The following GPC5 variants were observed in gnomAD, a reference collection of about 807,000 sequenced individuals.
GPC5 encodes the protein glypican-5.
A neutral mutation model predicts 53.9 loss-of-function variants in GPC5; 47 were observed. The ratio of observed to expected loss-of-function variants is 0.87; its 90% CI spans 0.69 to 1.11. The LOEUF is 1.11. Among genes scored for constraint, GPC5 ranks in the 50% most tolerant of loss-of-function variants. GPC5 has a pLI of 0.00. For missense variants in GPC5, 748 were observed against 713.1 expected (o/e 1.05, Z -0.56); for synonymous variants, 286 against 263.3 (o/e 1.09, Z -0.84).
intron 7 of GPC5, among the ~76,000 whole-genome samples, chr13:92,381,958 G>A (rs1255793669): frequency 1.1e-5 from 1 of 89,492 alleles, no homozygotes; most frequent in Non-Finnish European, 2.3e-5. Flanking sequence ...ATCTATGTAT[G>A]TATGTATCTA....
intron 7 of GPC5, among the ~76,000 whole-genome samples, chr13:92,849,410 T>G (rs1878717050): frequency 6.6e-6 from 1 of 152,256 alleles, no homozygotes. Flanking sequence ...GATAATTTAT[T>G]TCCATTTAAT....
Position 92,144,867 on chromosome 13 carries a change from A to G in GPC5, c.1439A>G (p.Glu480Gly). 6.8e-6 allele frequency: 11 copies of G among 1,612,272 alleles called. No homozygotes were observed. The highest frequency in any genetic ancestry group is 9.3e-6 in the Non-Finnish European group (11 of 1,179,202). Residue 480 changes from glutamate to glycine, a missense_variant, in exon 7 of 8, where the codon GAA (glutamate) becomes GGA (glycine). Physicochemically the swap from Glu to Gly is moderately conservative, Grantham distance 98. Transcript: ENST00000377067. ...AGATCACCCAAACCTGACAAGTGGGAACTTCTTCAGCTGGGCAGTGGTGGA... is the reference window on the plus strand; with the variant it reads ...AGATCACCCAAACCTGACAAGTGGGGACTTCTTCAGCTGGGCAGTGGTGGA... ...QGRSPKPDKW[E>G]LLQLGSGGGM...
intron 2 of GPC5, among the ~76,000 whole-genome samples, chr13:91,565,374 C>T (rs1212519418): frequency 6.6e-6 from 1 of 152,180 alleles, no homozygotes; most frequent in African/African-American, 2.4e-5. Flanking sequence ...GTTTATACTG[C>T]TTAAGCAATG....
intron 2 of GPC5, among the ~76,000 whole-genome samples, chr13:91,550,002 C>G (rs2030530842): frequency 6.6e-6 from 1 of 152,098 alleles, no homozygotes; most frequent in Non-Finnish European, 1.5e-5. Context: ...CCAGAGCAAC[C>G]AAGTTGTTCC....
At chr13:91,795,036 C>T (rs1285660205) in intron 5 of GPC5, among the ~76,000 whole-genome samples, 2 of 152,010 alleles carry the variant, frequency 1.3e-5, no homozygotes, top group African/African-American at 2.4e-5. Flanking sequence ...TTGACAAGAT[C>T]AAAAGTCACT....
intron 6 of GPC5, among the ~76,000 whole-genome samples, chr13:91,910,349 G>A (rs923835218): frequency 2.0e-5 from 3 of 152,208 alleles, no homozygotes; most frequent in Non-Finnish European, 4.4e-5. Flanking sequence ...TTCCGTAAGT[G>A]AGAATTTATT....
chr13:91,833,962 T>C (rs921608263), intron 5 of GPC5, among the ~76,000 whole-genome samples: 1 of 152,128 alleles, frequency 6.6e-6, no homozygotes, highest in Non-Finnish European at 1.5e-5. Flanking sequence ...TTGTCTCTGT[T>C]TGCAGATGTC....
intron 7 of GPC5, among the ~76,000 whole-genome samples, chr13:92,396,754 G>T (rs1875297553): frequency 6.6e-6 from 1 of 152,162 alleles, no homozygotes; most frequent in South Asian, 2.1e-4. Flanking sequence ...GGGAAGCTAA[G>T]CATTCTATAA....
At chr13:91,764,093 T>A (rs1461995021) in intron 5 of GPC5, among the ~76,000 whole-genome samples, 1 of 152,190 alleles carries the variant, frequency 6.6e-6, no homozygotes, top group African/African-American at 2.4e-5. Context: ...TGAACACAGT[T>A]GAATCCTTGA....
chr13:91,427,933 T>G (rs1267486974), intron 1 of GPC5, among the ~76,000 whole-genome samples: 1 of 151,982 alleles, frequency 6.6e-6, no homozygotes, highest in East Asian at 1.9e-4. Context: ...ACACACAGAG[T>G]CTCTCTTGCC....
At chr13:91,806,896 T>G (rs2038230608) in intron 5 of GPC5, among the ~76,000 whole-genome samples, 1 of 152,158 alleles carries the variant, frequency 6.6e-6, no homozygotes, top group African/African-American at 2.4e-5. Flanking sequence ...TCCCTGAAAA[T>G]TATCAACATC....
At chr13:92,658,828 G>T (rs1421313132) in intron 7 of GPC5, among the ~76,000 whole-genome samples, 1 of 151,906 alleles carries the variant, frequency 6.6e-6, no homozygotes, top group East Asian at 1.9e-4. Flanking sequence ...GCTGGAGCAA[G>T]GCATCAAGGT....
intron 1 of GPC5, 43 bp from the exon 2 acceptor site, chr13:91,448,718 T>G: frequency 6.3e-7 from 1 of 1,595,630 alleles, no homozygotes; most frequent in Non-Finnish European, 8.5e-7. Context: ...TAATACTTGT[T>G]AAATGAACAG....
intron 6 of GPC5, among the ~76,000 whole-genome samples, chr13:91,930,513 T>A (rs1271334768): frequency 1.3e-5 from 2 of 152,182 alleles, no homozygotes; most frequent in African/African-American, 4.8e-5. Context: ...GATAAACAAT[T>A]CAGAGATAAC....
At chr13:91,806,059 G>A (rs1398239201) in intron 5 of GPC5, among the ~76,000 whole-genome samples, 4 of 98,142 alleles carry the variant, frequency 4.1e-5, no homozygotes, top group African/African-American at 1.7e-4. Context: ...TTTGGAGACC[G>A]AGTCTTTCCT....
chr13:91,702,676 A>G (rs2036018587), intron 3 of GPC5, among the ~76,000 whole-genome samples: 1 of 151,906 alleles, frequency 6.6e-6, no homozygotes, highest in South Asian at 2.1e-4. Context: ...TCTGTGAAAA[A>G]TTTCATTGGT....
intron 6 of GPC5, among the ~76,000 whole-genome samples, chr13:91,984,877 G>C (rs1295154975): frequency 1.3e-5 from 2 of 152,106 alleles, no homozygotes; most frequent in Admixed American, 1.3e-4. Flanking sequence ...TTTGAGATTT[G>C]CTTTATGGTG....
rs59632518 is a variant in GPC5 at position 92,838,488 on chromosome 13, C to CAA, written c.1562-27784_1562-27783dup. Reference sequence around the variant, plus strand: ...ACAGAGTGAGACTCCGCGCCCCCCCCAAAAAAAAAAAGAAAAAAAAGAAAG... The same window carrying CAA: ...ACAGAGTGAGACTCCGCGCCCCCCCCAAAAAAAAAAAAAGAAAAAAAAGAAAG... On this transcript the variant is annotated intron_variant, in intron 7 of 7. Transcript: ENST00000377067. Among the ~76,000 whole-genome samples the CAA allele has an allele frequency of 6.2e-3, 857 of 137,796 alleles. 2 individuals carry two copies. Among genetic ancestry groups the CAA allele is most frequent in the Middle Eastern group, 0.033 (9 of 274 alleles). 90.4% of individuals were successfully genotyped at this position (137,796 alleles called of 152,430 possible).
chr13:91,840,617 T>G, intron 5 of GPC5, among the ~76,000 whole-genome samples: 1 of 151,954 alleles, frequency 6.6e-6, no homozygotes, highest in South Asian at 2.1e-4. Flanking sequence ...GTTAATCACA[T>G]TTGACCATGT....
Sources: allele counts gnomAD v4.1 joint callset (sites outside exome capture counted in the v4.1 genomes callset), GRCh38; gene constraint gnomAD v4.1.1; transcripts MANE v1.5; gene names NCBI Gene and HGNC (gene_info 2026-07-23, HGNC 2026-07-21).